Variants in MALRD1 observed in about 807,000 individuals in gnomAD.
MALRD1 encodes the protein MAM and LDL-receptor class A domain-containing protein 1.
A neutral mutation model predicts 242.1 loss-of-function variants in MALRD1; 247 were observed. The observed-to-expected ratio is 1.02, with a 90% confidence interval of 0.92 to 1.13. MALRD1 has a LOEUF of 1.13. Ranked by LOEUF, MALRD1 falls within the 50% of genes most tolerant of loss-of-function variation. The probability of loss-of-function intolerance (pLI) is 0.00; values close to 1 mark genes in which losing one functional copy is unlikely to be tolerated. For synonymous variants in MALRD1, 995 were observed against 866.6 expected (o/e 1.15, Z -2.60); for missense variants, 2,989 against 2,533.1 (o/e 1.18, Z -3.86).
At chr10:19,125,534 T>G (rs1186093674) in intron 7 of MALRD1, among the ~76,000 whole-genome samples, 2 of 151,410 alleles carry the variant, frequency 1.3e-5, no homozygotes, top group Admixed American at 1.3e-4. Context: ...TTTTTGCTTT[T>G]TTTTCTTTCT....
At chr10:19,342,618 C>T (rs1349515355) in intron 24 of MALRD1, among the ~76,000 whole-genome samples, 1 of 152,068 alleles carries the variant, frequency 6.6e-6, no homozygotes, top group African/African-American at 2.4e-5. Context: ...TAACACATTG[C>T]TTTGAAAACA....
At chr10:19,204,220 T>A in intron 15 of MALRD1, 88 bp from the exon 16 acceptor site, 1 of 813,898 alleles carries the variant, frequency 1.2e-6, no homozygotes, top group East Asian at 2.7e-5. Context: ...GACAATGATC[T>A]TGCTCAGTGT....
intron 18 of MALRD1, among the ~76,000 whole-genome samples, chr10:19,250,004 A>G (rs959957933): frequency 1.1e-4 from 17 of 152,030 alleles, no homozygotes; most frequent in African/African-American, 3.6e-4. Flanking sequence ...TTTTTTGTAG[A>G]AAGACTTGTA....
intron 28 of MALRD1, among the ~76,000 whole-genome samples, chr10:19,396,249 GC>G (rs1222919578): frequency 6.7e-6 from 1 of 149,178 alleles, no homozygotes; most frequent in East Asian, 2.0e-4. Context: ...CGATTCTCCT[GC>G]CTCAGCCTCC....
At chr10:19,577,719 A>G (rs1338052965) in intron 33 of MALRD1, among the ~76,000 whole-genome samples, 5 of 152,230 alleles carry the variant, frequency 3.3e-5, no homozygotes, top group South Asian at 2.1e-4. Flanking sequence ...TTGGCCACAT[A>G]AACACATATG....
At chr10:19,049,268 A>G (rs1407868273) in intron 1 of MALRD1, 131 bp downstream of exon 1, 2 of 576,572 alleles carry the variant, frequency 3.5e-6, no homozygotes, top group Non-Finnish European at 5.1e-6. Context: ...TTTAGTGTAG[A>G]TCAGAAACTA....
chr10:19,294,699 TTGGATAATA>T (rs944167649), intron 21 of MALRD1, among the ~76,000 whole-genome samples: 5 of 152,172 alleles, frequency 3.3e-5, no homozygotes, highest in Admixed American at 1.3e-4. Flanking sequence ...TTGGATTTTG[TTGGATAATA>T]TAAGTTAACT....
chr10:19,605,481 CTTTCT>C (rs889510652), intron 34 of MALRD1, among the ~76,000 whole-genome samples: 2 of 127,168 alleles, frequency 1.6e-5, no homozygotes, highest in Non-Finnish European at 3.3e-5. Context: ...CTTTGTTTTT[CTTTCT>C]TTTTTTTTTT....
At chr10:19,550,222 C>T (rs1456580849) in intron 32 of MALRD1, among the ~76,000 whole-genome samples, 1 of 151,822 alleles carries the variant, frequency 6.6e-6, no homozygotes, top group Non-Finnish European at 1.5e-5. Flanking sequence ...TTATAATTAC[C>T]CGCTCCCCTA....
At chr10:19,575,092 T>C (rs1207297264) in intron 33 of MALRD1, among the ~76,000 whole-genome samples, 1 of 152,130 alleles carries the variant, frequency 6.6e-6, no homozygotes, top group African/African-American at 2.4e-5. Flanking sequence ...TACTTGAAAG[T>C]TTAAAGTACA....
chr10:19,692,041 T>G (rs1273519832), intron 36 of MALRD1, among the ~76,000 whole-genome samples: 1 of 152,164 alleles, frequency 6.6e-6, no homozygotes, highest in Non-Finnish European at 1.5e-5. Flanking sequence ...AAACCATGTT[T>G]CTACCTTATA....
At chr10:19,426,875 T>TA (rs1385096284) in intron 28 of MALRD1, among the ~76,000 whole-genome samples, 2 of 151,666 alleles carry the variant, frequency 1.3e-5, no homozygotes, top group South Asian at 2.1e-4. Flanking sequence ...TTTATATATA[T>TA]TTTTTTCCTT....
chr10:19,542,933 C>T (rs1201514990), intron 32 of MALRD1, among the ~76,000 whole-genome samples: 2 of 152,116 alleles, frequency 1.3e-5, no homozygotes, highest in Non-Finnish European at 2.9e-5. Flanking sequence ...TGGGGAATTA[C>T]AACTTTTATC....
chr10:19,460,103 A>T lies in MALRD1; in HGVS notation c.5029+9613A>T, dbSNP rs115428907. ...ATGGTGTTTCCATTTTTACTGAACT[A>T]TATTTTACTTATTTTCACTCAAAAT... On this transcript the variant is annotated intron_variant, in intron 29 of 39. Transcript: ENST00000454679. Among the ~76,000 whole-genome samples, 1,249 of 152,250 alleles carry T rather than the reference A, an allele frequency of 8.2e-3. 11 individuals carry two copies. Among genetic ancestry groups the T allele is most frequent in the African/African-American group, 0.029 (1,199 of 41,560 alleles).
At chr10:19,324,464 G>C (rs1299320628) in intron 22 of MALRD1, among the ~76,000 whole-genome samples, 1 of 152,002 alleles carries the variant, frequency 6.6e-6, no homozygotes, top group Admixed American at 6.6e-5. Flanking sequence ...TGTTGCCTTT[G>C]ATGGTAGTAG....
At chr10:19,329,626 C>T (rs1318519071) in intron 23 of MALRD1, among the ~76,000 whole-genome samples, 1 of 152,064 alleles carries the variant, frequency 6.6e-6, no homozygotes, top group Non-Finnish European at 1.5e-5. Context: ...GTCTTTTGTT[C>T]TAGTTATGTA....
At chr10:19,123,401 T>C in intron 5 of MALRD1, 91 bp from the exon 6 acceptor site, 1 of 643,960 alleles carries the variant, frequency 1.6e-6, no homozygotes, top group Non-Finnish European at 2.2e-6. Flanking sequence ...ACAGAGTGCT[T>C]TGTAGAATGA....
intron 36 of MALRD1, among the ~76,000 whole-genome samples, chr10:19,622,031 C>T (rs1259291135): frequency 1.3e-5 from 2 of 151,676 alleles, no homozygotes; most frequent in Non-Finnish European, 2.9e-5. Context: ...ATGGTAAAGT[C>T]TATATTCCCT....
At chr10:19,166,214 G>T (rs1380720299) in intron 13 of MALRD1, among the ~76,000 whole-genome samples, 1 of 152,138 alleles carries the variant, frequency 6.6e-6, no homozygotes, top group East Asian at 1.9e-4. Flanking sequence ...AGTCTGACGT[G>T]GGCTGTAATA....
Sources: allele counts gnomAD v4.1 joint callset (sites outside exome capture counted in the v4.1 genomes callset), GRCh38; gene constraint gnomAD v4.1.1; transcripts MANE v1.5; gene names NCBI Gene and HGNC (gene_info 2026-07-23, HGNC 2026-07-21).